Variants in DLG2 observed in about 807,000 individuals in gnomAD.
DLG2 encodes the protein discs large MAGUK scaffold protein 2.
A neutral mutation model predicts 132.5 loss-of-function variants in DLG2; 45 were observed. The ratio of observed to expected loss-of-function variants is 0.34; its 90% CI spans 0.27 to 0.44. The LOEUF (loss-of-function observed/expected upper bound fraction) is 0.44. Among genes scored for constraint, DLG2 ranks in the 20% least tolerant of loss-of-function variants. DLG2 has a pLI of 1.00. For missense variants in DLG2, 1,045 were observed against 1,196.9 expected (o/e 0.87, Z 1.87); for synonymous variants, 424 against 419.6 (o/e 1.01, Z -0.13).
At chr11:83,585,985 A>C (rs778079978) in intron 19 of DLG2, among the ~76,000 whole-genome samples, 1 of 152,256 alleles carries the variant, frequency 6.6e-6, no homozygotes, top group Non-Finnish European at 1.5e-5. Context: ...AGGGCAAATA[A>C]AAGCCAACCT....
At chr11:85,558,398 T>C (rs2077046435) in intron 3 of DLG2, among the ~76,000 whole-genome samples, 1 of 151,914 alleles carries the variant, frequency 6.6e-6, no homozygotes, top group African/African-American at 2.4e-5. Flanking sequence ...CTCAAAGAAC[T>C]TAAAACAGAA....
chr11:83,975,762 C>T (rs2092114990), intron 12 of DLG2, among the ~76,000 whole-genome samples: 1 of 151,912 alleles, frequency 6.6e-6, no homozygotes, highest in Non-Finnish European at 1.5e-5. Context: ...AAAGACATAG[C>T]TCTTTCAAAC....
chr11:84,299,016 G>A (rs905987709), intron 7 of DLG2, among the ~76,000 whole-genome samples: 1 of 152,032 alleles, frequency 6.6e-6, no homozygotes, highest in Non-Finnish European at 1.5e-5. Context: ...ATAAATAAAC[G>A]TTCACGAAAA....
intron 15 of DLG2, among the ~76,000 whole-genome samples, chr11:83,900,564 G>A (rs1362413650): frequency 6.6e-6 from 1 of 152,234 alleles, no homozygotes; most frequent in Non-Finnish European, 1.5e-5. Context: ...GCTTCTGAGG[G>A]TGCAAGCCCC....
rs528513651 is a variant in DLG2, at chr11:83,748,115, C to G, written c.1825+38575G>C. Among the ~76,000 whole-genome samples the G allele has an allele frequency of 2.0e-5, 3 of 152,286 alleles. No homozygotes were observed. In the South Asian group the frequency reaches 6.2e-4, roughly 32 times the overall value. On this transcript the variant is annotated intron_variant, in intron 18 of 27. Transcript: ENST00000376104. ...AATGCTGCTTTCCTTTAGATAGATT[C>G]TGTATGTACTCTGTCAAGGTTTGAA...
At chr11:83,880,127 G>A (rs1469545595) in intron 15 of DLG2, among the ~76,000 whole-genome samples, 2 of 152,130 alleles carry the variant, frequency 1.3e-5, no homozygotes, top group Non-Finnish European at 1.5e-5. Flanking sequence ...GATGGGCAAT[G>A]AGGGACAATG....
chr11:83,745,661 G>T (rs1220748747), intron 18 of DLG2, among the ~76,000 whole-genome samples: 1 of 151,966 alleles, frequency 6.6e-6, no homozygotes, highest in African/African-American at 2.4e-5. Flanking sequence ...AATTAGCCTG[G>T]CGTGGTGGCA....
At chr11:84,118,117 A>G (rs1208956652) in intron 9 of DLG2, among the ~76,000 whole-genome samples, 1 of 152,126 alleles carries the variant, frequency 6.6e-6, no homozygotes. Flanking sequence ...TCGGCCTCCC[A>G]AAGTGCTGGG....
intron 7 of DLG2, among the ~76,000 whole-genome samples, chr11:84,500,285 C>T (rs1055107398): frequency 1.3e-5 from 2 of 151,270 alleles, no homozygotes; most frequent in African/African-American, 4.9e-5. Context: ...CAGTTGTCAC[C>T]CAGGCATGCT....
chr11:85,607,519 G>C (rs2080663099), intron 2 of DLG2, among the ~76,000 whole-genome samples: 1 of 152,324 alleles, frequency 6.6e-6, no homozygotes, highest in East Asian at 1.9e-4. Flanking sequence ...TCCAAGGCTA[G>C]TCCCGCTTAT....
intron 15 of DLG2, among the ~76,000 whole-genome samples, chr11:83,899,923 T>C (rs530263079): frequency 3.3e-4 from 51 of 152,286 alleles, no homozygotes; most frequent in African/African-American, 1.2e-3. Flanking sequence ...AGTTTGGAAC[T>C]CCCTAGAGAC....
At chr11:84,098,545 A>G (rs1386606353) in intron 10 of DLG2, among the ~76,000 whole-genome samples, 6 of 152,142 alleles carry the variant, frequency 3.9e-5, no homozygotes, top group Admixed American at 6.5e-5. Context: ...AATACATACA[A>G]TATCTACAAC....
Position 83,480,483 on chromosome 11 carries a change from A to G in DLG2, c.2293+3646T>C. The G allele has an allele frequency of 4.0e-6, 6 of 1,497,474 alleles. No homozygotes were observed. The South Asian group carries it at 7.2e-5, about 18-fold the overall frequency. The allele number at this position is 1,497,474 out of a possible 1,614,324, so 92.8% of individuals were successfully genotyped here. A position where few individuals can be genotyped will look rare whatever the true frequency, so the allele number is the denominator to read the frequency against. ...GAGCAGCCAGAACGGAAAGGAATACACTCATGCAAGGCTACCAGAAATGTG... is the reference window on the plus strand; with the variant it reads ...GAGCAGCCAGAACGGAAAGGAATACGCTCATGCAAGGCTACCAGAAATGTG... On this transcript the variant is annotated intron_variant, in intron 22 of 27. Coordinates refer to ENST00000376104, the MANE Select transcript of DLG2 (RefSeq NM_001142699.3).
At chr11:84,291,045 A>G (rs897715434) in intron 7 of DLG2, among the ~76,000 whole-genome samples, 1 of 152,196 alleles carries the variant, frequency 6.6e-6, no homozygotes, top group Admixed American at 6.5e-5. Flanking sequence ...CATTCAATAC[A>G]TGTTAGCTAC....
rs550850735 is a variant in DLG2 at position 85,144,678 on chromosome 11, A to G, written c.282+9878T>C. On this transcript the variant is annotated intron_variant, in intron 5 of 27. Transcript: ENST00000376104. Reference sequence around the variant, plus strand: ...CTAATGACAACCTAACTGATTTCAGAAACAATGCACAAGCAAAGAGAAAAC... The same window carrying G: ...CTAATGACAACCTAACTGATTTCAGGAACAATGCACAAGCAAAGAGAAAAC... Among the ~76,000 whole-genome samples the G allele has an allele frequency of 1.9e-3, 283 of 152,136 alleles. 1 individual carries two copies. Among genetic ancestry groups the G allele is most frequent in the African/African-American group, 6.6e-3 (273 of 41,552 alleles).
chr11:85,146,127 G>A (rs2076823868), intron 5 of DLG2, among the ~76,000 whole-genome samples: 1 of 151,992 alleles, frequency 6.6e-6, no homozygotes, highest in South Asian at 2.1e-4. Context: ...GCTTGGGTAA[G>A]ATCTGGGGAA....
intron 15 of DLG2, among the ~76,000 whole-genome samples, chr11:83,926,459 C>G (rs1007313000): frequency 3.3e-5 from 5 of 152,128 alleles, no homozygotes; most frequent in Non-Finnish European, 7.4e-5. Flanking sequence ...TCTACTGCAT[C>G]CTAAAAATCA....
At chr11:84,130,538 G>GTA (rs1322534421) in intron 9 of DLG2, among the ~76,000 whole-genome samples, 6 of 120,926 alleles carry the variant, frequency 5.0e-5, no homozygotes, top group Admixed American at 1.5e-4. Flanking sequence ...ATGTGTGTGT[G>GTA]TATATATATA....
chr11:84,840,991 TA>T (rs200955316), intron 6 of DLG2, among the ~76,000 whole-genome samples: 6,817 of 120,476 alleles, frequency 0.057, 150 homozygotes, highest in Non-Finnish European at 0.061. Context: ...AGTATAATAG[TA>T]AAAAAAAAAA....
Sources: gnomAD v4.1 joint callset for allele counts (sites outside exome capture counted in the v4.1 genomes callset) on GRCh38, gnomAD v4.1.1 for gene constraint, MANE v1.5 for transcripts, NCBI Gene and HGNC (gene_info 2026-07-23, HGNC 2026-07-21) for gene names.